TTLL5: variants seen among roughly 807,000 people sequenced by gnomAD.
TTLL5 encodes tubulin tyrosine ligase like 5.
A neutral mutation model predicts 168.4 loss-of-function variants in TTLL5; 132 were observed. That is an observed-to-expected ratio of 0.78 (90% confidence interval 0.68 to 0.91). The LOEUF is 0.91. TTLL5 is among the 40% of genes least tolerant of loss of function. TTLL5 has a pLI of 0.00. For missense variants in TTLL5, 1,545 were observed against 1,581.5 expected, an observed-to-expected ratio of 0.98 and a Z score of 0.39; for synonymous variants, 546 against 558.6, an observed-to-expected ratio of 0.98 and a Z score of 0.32.
intron 31 of TTLL5, among the ~76,000 whole-genome samples, chr14:75,913,129 C>T (rs756881190): frequency 1.3e-5 from 2 of 152,174 alleles, no homozygotes; most frequent in Non-Finnish European, 1.5e-5. Flanking sequence ...TTAATATATG[C>T]TTGGGAAAGC....
chr14:75,823,940 A>G (rs2140422295), intron 28 of TTLL5, among the ~76,000 whole-genome samples: 1 of 152,326 alleles, frequency 6.6e-6, no homozygotes, highest in Non-Finnish European at 1.5e-5. Flanking sequence ...ATTTTAAGGT[A>G]CACATTTTTC....
At chr14:75,815,558 G>A (rs2140402896) in intron 27 of TTLL5, among the ~76,000 whole-genome samples, 1 of 152,190 alleles carries the variant, frequency 6.6e-6, no homozygotes, top group South Asian at 2.1e-4. Context: ...GTTTTTCTTT[G>A]TTTTACTTCT....
chr14:75,836,374 G>C (rs1050468182), intron 28 of TTLL5, among the ~76,000 whole-genome samples: 2 of 151,188 alleles, frequency 1.3e-5, no homozygotes, highest in Admixed American at 6.6e-5. Flanking sequence ...AGAGTAGAAT[G>C]CTGGTTACCA....
chr14:75,877,567 G>T (rs1353202416), intron 29 of TTLL5, among the ~76,000 whole-genome samples: 2 of 152,208 alleles, frequency 1.3e-5, no homozygotes, highest in African/African-American at 2.4e-5. Flanking sequence ...TCATGTATAT[G>T]CTGAGTGTAT....
intron 28 of TTLL5, among the ~76,000 whole-genome samples, chr14:75,821,818 C>A (rs1303095625): frequency 2.0e-5 from 3 of 152,148 alleles, no homozygotes; most frequent in Non-Finnish European, 4.4e-5. Flanking sequence ...TACTTCTGAC[C>A]CATTCCAGCC....
chr14:75,802,809 C>T (rs777948592), intron 27 of TTLL5, among the ~76,000 whole-genome samples: 24 of 152,194 alleles, frequency 1.6e-4, no homozygotes, highest in African/African-American at 4.8e-4. Flanking sequence ...AAAGAGGCCC[C>T]GAACCCAGCT....
intron 27 of TTLL5, among the ~76,000 whole-genome samples, chr14:75,818,190 G>A (rs937572737): frequency 1.3e-5 from 2 of 151,834 alleles, no homozygotes; most frequent in African/African-American, 4.8e-5. Flanking sequence ...AAATACATCT[G>A]TATTTGCCAT....
chr14:75,780,709 T>C (rs529992673), intron 24 of TTLL5, among the ~76,000 whole-genome samples: 53 of 152,276 alleles, frequency 3.5e-4, no homozygotes, highest in African/African-American at 1.2e-3. Context: ...AAAGAAACAG[T>C]GTTAATCTTT....
At chr14:75,901,391 T>C (rs2032914200) in intron 30 of TTLL5, among the ~76,000 whole-genome samples, 1 of 152,076 alleles carries the variant, frequency 6.6e-6, no homozygotes, top group African/African-American at 2.4e-5. Context: ...GGCATCAGAC[T>C]AGTCCTAGGA....
rs1391381713 is a variant in TTLL5, at chr14:75,783,541, G to A, written c.2986+11G>A. On this transcript the variant is annotated intron_variant, in intron 26 of 31. Coordinates refer to ENST00000298832, the MANE Select transcript of TTLL5 (RefSeq NM_015072.5). ...CTTCAGCAAAGGCAGGTGAGTGAGA[G>A]AACGAAAGACAGTCCACAATGTGAG... 1 of 1,610,410 alleles carries A rather than the reference G, an allele frequency of 6.2e-7. No homozygotes were observed.
chr14:75,727,537 A>G (rs1160863161), intron 12 of TTLL5, among the ~76,000 whole-genome samples: 1 of 152,178 alleles, frequency 6.6e-6, no homozygotes, highest in Non-Finnish European at 1.5e-5. Flanking sequence ...TGAGGGTGGG[A>G]GTGCGACTGG....
intron 30 of TTLL5, among the ~76,000 whole-genome samples, chr14:75,891,019 C>A (rs531495185): frequency 3.1e-4 from 47 of 152,202 alleles, no homozygotes; most frequent in African/African-American, 1.1e-3. Context: ...GCACCTGGCC[C>A]ATTTTTCTGA....
chr14:75,782,642 C>A, intron 25 of TTLL5, 69 bp downstream of exon 25: 1 of 1,283,150 alleles, frequency 7.8e-7, no homozygotes. Context: ...AAATAGTCAT[C>A]AGATATTAAA....
chr14:75,951,607 A>G (rs977564871), intron 31 of TTLL5, among the ~76,000 whole-genome samples: 32 of 152,002 alleles, frequency 2.1e-4, no homozygotes, highest in African/African-American at 5.8e-4. Flanking sequence ...AAAAAAATTT[A>G]AAAACTAGCC....
chr14:75,783,065 A>G, intron 25 of TTLL5, 82 bp from the exon 26 acceptor site: 1 of 1,355,262 alleles, frequency 7.4e-7, no homozygotes, highest in South Asian at 1.5e-5. Context: ...TGTGATGTTT[A>G]TGTTTTAAAA....
At position 75,954,695 on chromosome 14, in the gene TTLL5, TTA is replaced by T; in HGVS notation, c.*254_*255del. ...GCAGTGGGGACATTCAGCTGATGCA[TTA>T]TATACCCCGTCAGAGCACACTTGTA... is the stretch of plus-strand genomic sequence containing the variant. On this transcript the variant is annotated 3_prime_UTR_variant, in exon 32 of 32. Transcript: ENST00000298832. 7.0e-6 allele frequency: 4 copies of T among 571,742 alleles called. No individual in the cohort carries two copies. In the South Asian group the frequency reaches 9.3e-5, roughly 13 times the overall value. 35.4% of individuals were successfully genotyped at this position (571,742 alleles called of 1,614,324 possible). A position where few individuals can be genotyped will look rare whatever the true frequency, so the allele number is the denominator to read the frequency against.
intron 28 of TTLL5, among the ~76,000 whole-genome samples, chr14:75,823,981 A>G (rs1435091811): frequency 1.3e-5 from 2 of 152,206 alleles, no homozygotes; most frequent in Non-Finnish European, 1.5e-5. Context: ...AGTTAATAAT[A>G]CTTTCCTCCC....
chr14:75,943,972 C>A (rs2140201938), intron 31 of TTLL5, among the ~76,000 whole-genome samples: 2 of 152,276 alleles, frequency 1.3e-5, no homozygotes, highest in Admixed American at 1.3e-4. Flanking sequence ...CTTTAATGAA[C>A]TCAAAGATGG....
rs1890702609 is a variant in TTLL5, at chr14:75,661,280, G to A, written c.-203G>A. 1 of 152,274 alleles carries A rather than the reference G, an allele frequency of 6.6e-6. No homozygotes were observed. The highest frequency in any genetic ancestry group is 2.4e-5 in the African/African-American group (1 of 41,468). 9.4% of individuals were successfully genotyped at this position (152,274 alleles called of 1,614,324 possible). A position where few individuals can be genotyped will look rare whatever the true frequency, so the allele number is the denominator to read the frequency against. On this transcript the variant is annotated 5_prime_UTR_variant, in exon 1 of 32. Coordinates refer to ENST00000298832, the MANE Select transcript of TTLL5 (RefSeq NM_015072.5). ...CTTGTTGGTTGTTGTAGTAACCGGG[G>A]AAGCAGCCGTCGGCGGCTGCCCTGA...
Sources: gnomAD v4.1 joint callset for allele counts (sites outside exome capture counted in the v4.1 genomes callset) on GRCh38, gnomAD v4.1.1 for gene constraint, MANE v1.5 for transcripts, NCBI Gene and HGNC (gene_info 2026-07-23, HGNC 2026-07-21) for gene names.